GM2A: variants seen among roughly 807,000 people sequenced by gnomAD.
GM2A encodes GM2 ganglioside activator.
In GM2A, 7 loss-of-function variants were observed where a neutral mutation model predicts 12.9. The observed-to-expected ratio is 0.54, with a 90% confidence interval of 0.31 to 1.02. The LOEUF is 1.02. GM2A is among the 50% of genes least tolerant of loss of function. GM2A has a pLI of 0.05. For synonymous variants in GM2A, 101 were observed against 96.0 expected (o/e 1.05, Z -0.30); for missense variants, 246 against 241.0 (o/e 1.02, Z -0.14).
rs1161390356 is a variant in GM2A at position 151,267,724 on chromosome 5, A to G, written c.*273A>G. 7.4e-7 allele frequency: 1 copy of G among 1,350,602 alleles called. No homozygotes were observed. Among genetic ancestry groups the G allele is most frequent in the Admixed American group, 2.5e-5 (1 of 40,156 alleles). 83.7% of individuals were successfully genotyped at this position (1,350,602 alleles called of 1,614,324 possible). ...ACTCATCCCCGTTAACATTCTCTCT[A>G]AAGAGCCTCGTTCATTTCCAAAGCA... On this transcript the variant is annotated 3_prime_UTR_variant, in exon 4 of 4. Transcript: ENST00000357164.
At chr5:151,258,245 C>T (rs764565434) in intron 1 of GM2A, among the ~76,000 whole-genome samples, 5 of 152,220 alleles carry the variant, frequency 3.3e-5, no homozygotes, top group Admixed American at 6.5e-5. Flanking sequence ...GAGGCTAGGA[C>T]GCTAATGGCT....
chr5:151,262,266 C>T (rs1432870666), intron 2 of GM2A, among the ~76,000 whole-genome samples: 1 of 152,190 alleles, frequency 6.6e-6, no homozygotes, highest in Non-Finnish European at 1.5e-5. Context: ...CTCCTCTATG[C>T]CCTTCAGTCT....
At chr5:151,263,989 C>T (rs1753841283) in intron 2 of GM2A, among the ~76,000 whole-genome samples, 1 of 152,160 alleles carries the variant, frequency 6.6e-6, no homozygotes, top group Non-Finnish European at 1.5e-5. Context: ...TCAGGAGCTC[C>T]CTTTTCTCTT....
rs1753956435 is a variant in GM2A at position 151,269,044 on chromosome 5, T to C, written c.*1593T>C. ...CAGTCTTGGAGTCCTGTTGGGTGAA[T>C]GAGGCAGATGGGAAAGAGCCTCACC... On this transcript the variant is annotated 3_prime_UTR_variant, in exon 4 of 4. Transcript: ENST00000357164. 12 of 985,292 alleles carry C rather than the reference T, an allele frequency of 1.2e-5. No homozygotes were observed. Among genetic ancestry groups the C allele is most frequent in the Non-Finnish European group, 1.4e-5 (12 of 829,960 alleles). The allele number at this position is 985,292 out of a possible 1,614,324, so 61.0% of individuals were successfully genotyped here.
chr5:151,261,458 A>C (rs1753797076), intron 2 of GM2A, among the ~76,000 whole-genome samples: 1 of 152,088 alleles, frequency 6.6e-6, no homozygotes, highest in Non-Finnish European at 1.5e-5. Context: ...GTTTGTTTTG[A>C]GACAGGTTCT....
rs370030318 is a variant in GM2A at position 151,258,234 on chromosome 5, G to A, written c.82-1521G>A. Among the ~76,000 whole-genome samples, 24 of 152,364 alleles carry A rather than the reference G, an allele frequency of 1.6e-4. No homozygotes were observed. In the South Asian group the frequency reaches 2.1e-3, roughly 13 times the overall value. On this transcript the variant is annotated intron_variant, in intron 1 of 3. Coordinates refer to ENST00000357164, the MANE Select transcript of GM2A (RefSeq NM_000405.5). ...TCCCATGGAGCTGCCGGCAGGAAGC[G>A]GAGGCTAGGACGCTAATGGCTCCTT...
intron 2 of GM2A, among the ~76,000 whole-genome samples, chr5:151,263,365 C>T (rs1028501932): frequency 4.0e-5 from 6 of 151,746 alleles, no homozygotes; most frequent in African/African-American, 9.7e-5. Flanking sequence ...CCACCAGGCC[C>T]GGCTCCCAAT....
chr5:151,258,977 G>A (rs1334934380), intron 1 of GM2A, among the ~76,000 whole-genome samples: 1 of 152,112 alleles, frequency 6.6e-6, no homozygotes, highest in Non-Finnish European at 1.5e-5. Flanking sequence ...GTTGGAGTGC[G>A]GAGTGGTGGT....
intron 2 of GM2A, among the ~76,000 whole-genome samples, chr5:151,265,464 AG>A (rs1753866455): frequency 2.6e-5 from 4 of 152,344 alleles, no homozygotes; most frequent in Admixed American, 2.6e-4. Flanking sequence ...CTAGAATGTC[AG>A]AGCTGAAAGG....
intron 2 of GM2A, among the ~76,000 whole-genome samples, chr5:151,263,008 A>G (rs1195776237): frequency 6.6e-6 from 1 of 151,422 alleles, no homozygotes; most frequent in African/African-American, 2.4e-5. Context: ...GGGCCTACAT[A>G]ATCTCCTCTG....
rs1315098947 is a variant in GM2A at position 151,268,029 on chromosome 5, T to A, written c.*578T>A. 11 of 1,042,970 alleles carry A rather than the reference T, an allele frequency of 1.1e-5. No homozygotes were observed. Among genetic ancestry groups the A allele is most frequent in the Non-Finnish European group, 1.2e-5 (10 of 864,938 alleles). The allele number at this position is 1,042,970 out of a possible 1,614,324, so 64.6% of individuals were successfully genotyped here. A position where few individuals can be genotyped will look rare whatever the true frequency, so the allele number is the denominator to read the frequency against. ...AGAGGTAGGGTGTGTGGGGGAGGAA[T>A]CCCTTGGGGGAGATATTAGGAGTGC... On this transcript the variant is annotated 3_prime_UTR_variant, in exon 4 of 4. Transcript: ENST00000357164.
At chr5:151,261,525 A>G (rs1753798719) in intron 2 of GM2A, among the ~76,000 whole-genome samples, 1 of 152,154 alleles carries the variant, frequency 6.6e-6, no homozygotes, top group Non-Finnish European at 1.5e-5. Flanking sequence ...TGCAACCTCC[A>G]CTTCCCGGGT....
chr5:151,262,171 CAATG>C (rs1753810369), intron 2 of GM2A, among the ~76,000 whole-genome samples: 1 of 152,174 alleles, frequency 6.6e-6, no homozygotes, highest in South Asian at 2.1e-4. Flanking sequence ...TCTTAGAAAA[CAATG>C]AAGACTTTTC....
Position 151,269,535 on chromosome 5 carries a change from G to T in GM2A, c.*2084G>T. 1 of 831,274 alleles carries T rather than the reference G, an allele frequency of 1.2e-6. No individual in the cohort carries two copies. Among genetic ancestry groups the T allele is most frequent in the Non-Finnish European group, 1.5e-6 (1 of 689,176 alleles). The allele number at this position is 831,274 out of a possible 1,614,324, so 51.5% of individuals were successfully genotyped here. On this transcript the variant is annotated 3_prime_UTR_variant, in exon 4 of 4. Coordinates refer to ENST00000357164, the MANE Select transcript of GM2A (RefSeq NM_000405.5). The stretch of plus-strand genomic sequence containing the variant: ...CCAGAGACAAAATCTTTTTATCTGA[G>T]GAATTTAAAAGGGAGCAAAGACCAC...
At position 151,267,361 on chromosome 5, in the gene GM2A, C is replaced by G. The variant is rs774471512; in HGVS notation, c.492C>G (p.Thr164=). The change falls in exon 4 of 4, where the codon ACC becomes ACG. Residue 164 remains threonine, a synonymous_variant. Transcript: ENST00000357164. ...ACCTGGAGCTGCCCAGTTGGCTCAC[C>G]ACCGGGAACTACCGCATAGAGAGCG... ...VPDLELPSWL[T]TGNYRIESVL... 2.4e-5 allele frequency: 38 copies of G among 1,614,068 alleles called. No individual in the cohort carries two copies. In the South Asian group the frequency reaches 2.7e-4, roughly 12 times the overall value.
Position 151,269,419 on chromosome 5 carries a change from A to G in GM2A, c.*1968A>G. 2.0e-6 allele frequency: 2 copies of G among 985,406 alleles called. No individual in the cohort carries two copies. The highest frequency in any genetic ancestry group is 2.4e-6 in the Non-Finnish European group (2 of 829,944). 61.0% of individuals were successfully genotyped at this position (985,406 alleles called of 1,614,324 possible). ...TGAGCTTGCTTGTTGTCTCTGCTTC[A>G]TCGCCATCCAGCTCCCTTGTTTGCT... On this transcript the variant is annotated 3_prime_UTR_variant, in exon 4 of 4. Coordinates refer to ENST00000357164, the MANE Select transcript of GM2A (RefSeq NM_000405.5).
At chr5:151,259,314 C>T (rs253570) in intron 1 of GM2A, among the ~76,000 whole-genome samples, 146,839 of 152,206 alleles carry the variant, frequency 0.96, 70,883 homozygotes, top group East Asian at 1. Context: ...GGGTTGGGCA[C>T]GGGGTGTGAC....
At chr5:151,267,154 A>G (rs1237460945) in intron 3 of GM2A, 142 bp from the exon 4 acceptor site, 11 of 1,063,596 alleles carry the variant, frequency 1.0e-5, no homozygotes. Context: ...CTACAGTGCT[A>G]TGGCCGTCTC....
In GM2A at chr5:151,269,350, G is replaced by C. The variant is rs886060274; in HGVS notation, c.*1899G>C. The stretch of plus-strand genomic sequence containing the variant: ...TGGAAGGGTTTGTTGGAACGGTACA[G>C]GTGAGCCGAGGTGATTCCAGGGACG... On this transcript the variant is annotated 3_prime_UTR_variant, in exon 4 of 4. Coordinates refer to ENST00000357164, the MANE Select transcript of GM2A (RefSeq NM_000405.5). 8.7e-5 allele frequency: 86 copies of C among 985,334 alleles called. No individual in the cohort carries two copies. The highest frequency in any genetic ancestry group is 5.2e-4 in the Middle Eastern group (1 of 1,938). 61.0% of individuals were successfully genotyped at this position (985,334 alleles called of 1,614,324 possible).
Sources: gnomAD v4.1 joint callset for allele counts (sites outside exome capture counted in the v4.1 genomes callset) on GRCh38, gnomAD v4.1.1 for gene constraint, MANE v1.5 for transcripts, NCBI Gene and HGNC (gene_info 2026-07-23, HGNC 2026-07-21) for gene names.